The following SCAMP1 variants were observed in gnomAD, a reference collection of about 807,000 sequenced individuals.
The protein encoded by SCAMP1 is secretory carrier-associated membrane protein 1.
In SCAMP1, 15 loss-of-function variants were observed where a neutral mutation model predicts 41.8. That is an observed-to-expected ratio of 0.36 (90% CI 0.24 to 0.55). The LOEUF is 0.55. Ranked by LOEUF, SCAMP1 falls within the 20% of genes least tolerant of loss-of-function variation. The pLI is 0.86. For missense variants in SCAMP1, 341 were observed against 412.6 expected, an observed-to-expected ratio of 0.83 and a Z score of 1.50; for synonymous variants, 135 against 136.8, an observed-to-expected ratio of 0.99 and a Z score of 0.09.
chr5:78,466,808 C>G (rs555934420), intron 8 of SCAMP1, among the ~76,000 whole-genome samples: 13 of 152,182 alleles, frequency 8.5e-5, no homozygotes, highest in African/African-American at 3.1e-4. Context: ...GCCGAGCAGT[C>G]GTACTTGGAA....
intron 2 of SCAMP1, among the ~76,000 whole-genome samples, chr5:78,403,204 T>C (rs903230339): frequency 1.3e-5 from 2 of 152,146 alleles, no homozygotes; most frequent in Non-Finnish European, 2.9e-5. Context: ...TTTTATATGA[T>C]TATAATTTAT....
Position 78,475,582 on chromosome 5 carries a change from A to G in SCAMP1, c.931A>G (p.Lys311Glu). Residue 311 changes from lysine to glutamate, a missense_variant, in exon 9 of 9, where the codon AAA (lysine) becomes GAA (glutamate). Lys to Glu is a moderately conservative substitution (Grantham distance 56). Coordinates refer to ENST00000621999, the MANE Select transcript of SCAMP1 (RefSeq NM_004866.6). ...QEFATGVMSNKTVQTAAANAA... is the reference protein window; with the variant it reads ...QEFATGVMSNETVQTAAANAA... ...GTTTGCAACAGGTGTGATGTCCAAC[A>G]AAACTGTCCAGACCGCAGCTGCAAA... The G allele has an allele frequency of 6.2e-7, 1 of 1,610,792 alleles. No homozygotes were observed. The highest frequency in any genetic ancestry group is 8.5e-7 in the Non-Finnish European group (1 of 1,178,718).
At chr5:78,397,633 C>T (rs1241633088) in intron 2 of SCAMP1, among the ~76,000 whole-genome samples, 3 of 152,112 alleles carry the variant, frequency 2.0e-5, no homozygotes, top group Admixed American at 2.0e-4. Context: ...ATTAAAAAGA[C>T]AACCAGGCTG....
chr5:78,462,328 A>G (rs1753638996), intron 8 of SCAMP1, among the ~76,000 whole-genome samples: 1 of 151,678 alleles, frequency 6.6e-6, no homozygotes, highest in Non-Finnish European at 1.5e-5. Context: ...TTGTATCTTG[A>G]AACTTTTTGT....
chr5:78,428,166 T>C (rs762386337), intron 6 of SCAMP1, among the ~76,000 whole-genome samples: 2 of 152,210 alleles, frequency 1.3e-5, no homozygotes, highest in African/African-American at 2.4e-5. Context: ...TTGTGGTTTA[T>C]CTCTTGTGTT....
At chr5:78,397,673 C>T (rs914733226) in intron 2 of SCAMP1, among the ~76,000 whole-genome samples, 12 of 152,106 alleles carry the variant, frequency 7.9e-5, no homozygotes, top group Admixed American at 7.2e-4. Context: ...GTAATCCCAG[C>T]ACCTTGGGAA....
chr5:78,419,761 A>G (rs1425621066), intron 5 of SCAMP1, among the ~76,000 whole-genome samples: 1 of 152,144 alleles, frequency 6.6e-6, no homozygotes, highest in Non-Finnish European at 1.5e-5. Context: ...CCCTTAATGG[A>G]TGAGATAATT....
intron 6 of SCAMP1, among the ~76,000 whole-genome samples, chr5:78,435,426 C>A (rs1752725474): frequency 6.6e-6 from 1 of 152,150 alleles, no homozygotes; most frequent in African/African-American, 2.4e-5. Context: ...CGCCCTGCGT[C>A]CAAGGGTTCT....
At chr5:78,415,495 A>G (rs1253748176) in intron 2 of SCAMP1, 25 bp from the exon 3 acceptor site, 1 of 1,426,930 alleles carries the variant, frequency 7.0e-7, no homozygotes, top group Admixed American at 2.0e-5. Flanking sequence ...GTGTTACATA[A>G]TTTTCCTTCT....
At chr5:78,465,309 A>G (rs1339860733) in intron 8 of SCAMP1, among the ~76,000 whole-genome samples, 3 of 152,220 alleles carry the variant, frequency 2.0e-5, no homozygotes, top group African/African-American at 7.2e-5. Flanking sequence ...CTTTGGAACC[A>G]TACAACTCAG....
chr5:78,453,437 C>T (rs369651391), intron 7 of SCAMP1, among the ~76,000 whole-genome samples: 61 of 151,872 alleles, frequency 4.0e-4, no homozygotes, highest in African/African-American at 1.4e-3. Context: ...ATTTATTAAA[C>T]AGGGAATCCT....
chr5:78,364,449 C>T (rs1750743078), intron 1 of SCAMP1, among the ~76,000 whole-genome samples: 1 of 152,042 alleles, frequency 6.6e-6, no homozygotes, highest in Non-Finnish European at 1.5e-5. Context: ...GGGGCAAATT[C>T]TTAAAATATA....
At chr5:78,381,996 G>C (rs1367737250) in intron 1 of SCAMP1, among the ~76,000 whole-genome samples, 1 of 152,212 alleles carries the variant, frequency 6.6e-6, no homozygotes, top group Non-Finnish European at 1.5e-5. Context: ...GCATTTTTGA[G>C]AGGTAAAGAA....
intron 2 of SCAMP1, among the ~76,000 whole-genome samples, chr5:78,392,053 GGAGAGGGAGACCGTGGAAA>G (rs1303020789): frequency 8.0e-5 from 8 of 99,604 alleles, no homozygotes; most frequent in Admixed American, 4.4e-4. Context: ...GGAAAGAGAG[GGAGAGGGAGACCGTGGAAA>G]GAGAGGGAGA....
chr5:78,443,212 C>CAA lies in SCAMP1; in HGVS notation c.633-6697_633-6696dup, dbSNP rs398051015. ...TGGGCAACAGAGCTAGACTCTGTCT[C>CAA]AAAAAAAAAAAAAAAAAAAAAAAAA... is the stretch of plus-strand genomic sequence containing the variant. On this transcript the variant is annotated intron_variant, in intron 6 of 8. Transcript: ENST00000621999. 3.0e-3 allele frequency among the ~76,000 whole-genome samples: 198 copies of CAA among 65,958 alleles called. 2 individuals carry two copies. The highest frequency in any genetic ancestry group is 7.0e-3 in the East Asian group (14 of 1,988). 43.3% of individuals were successfully genotyped at this position (65,958 alleles called of 152,430 possible).
intron 7 of SCAMP1, among the ~76,000 whole-genome samples, chr5:78,451,490 C>T (rs1022140320): frequency 2.6e-5 from 4 of 152,136 alleles, no homozygotes; most frequent in Non-Finnish European, 5.9e-5. Context: ...ACTCCTTAAC[C>T]CCTGGCAATC....
rs769337826 is a variant in SCAMP1, at chr5:78,476,983, A to G, written c.*1315A>G. The G allele has an allele frequency of 6.6e-6, 1 of 152,186 alleles. No homozygotes were observed. The highest frequency in any genetic ancestry group is 1.5e-5 in the Non-Finnish European group (1 of 67,996). 9.4% of individuals were successfully genotyped at this position (152,186 alleles called of 1,614,324 possible). A position where few individuals can be genotyped will look rare whatever the true frequency, so the allele number is the denominator to read the frequency against. ...AAATAAATGACTCAAAGACATCTGT[A>G]AGTCATGCTGCTGTGTTTTGAAAGT... is the stretch of plus-strand genomic sequence containing the variant. On this transcript the variant is annotated 3_prime_UTR_variant, in exon 9 of 9. Coordinates refer to ENST00000621999, the MANE Select transcript of SCAMP1 (RefSeq NM_004866.6).
intron 6 of SCAMP1, among the ~76,000 whole-genome samples, chr5:78,441,841 A>G (rs569641737): frequency 5.9e-5 from 9 of 152,298 alleles, no homozygotes; most frequent in African/African-American, 2.2e-4. Flanking sequence ...TCTCAAAGCA[A>G]AAAGGTGACT....
intron 7 of SCAMP1, among the ~76,000 whole-genome samples, chr5:78,451,957 CT>C (rs1356815382): frequency 6.6e-6 from 1 of 152,114 alleles, no homozygotes; most frequent in Non-Finnish European, 1.5e-5. Context: ...GTCTGGCCTC[CT>C]TTTTATTTTT....
Sources: allele counts gnomAD v4.1 joint callset (sites outside exome capture counted in the v4.1 genomes callset), GRCh38; gene constraint gnomAD v4.1.1; transcripts MANE v1.5; gene names NCBI Gene and HGNC (gene_info 2026-07-23, HGNC 2026-07-21).